CCDC180: variants seen among roughly 807,000 people sequenced by gnomAD.
The protein encoded by CCDC180 is coiled-coil domain containing 180.
A neutral mutation model predicts 209.2 loss-of-function variants in CCDC180; 154 were observed. The observed-to-expected ratio is 0.74, with a 90% CI of 0.65 to 0.84. The LOEUF (loss-of-function observed/expected upper bound fraction) is 0.84. Among genes scored for constraint, CCDC180 ranks in the 40% least tolerant of loss-of-function variants. The pLI, the probability that CCDC180 is intolerant of heterozygous loss-of-function variation, is 0.00. For synonymous variants in CCDC180, 778 were observed against 749.1 expected (o/e 1.04, Z -0.63); for missense variants, 1,874 against 1,997.3 (o/e 0.94, Z 1.18).
At chr9:97,362,588 G>T in intron 28 of CCDC180, 147 bp downstream of exon 28, 1 of 1,208,742 alleles carries the variant, frequency 8.3e-7, no homozygotes, top group Non-Finnish European at 1.1e-6. Flanking sequence ...AGTGAGGGGT[G>T]AGCGCCATCC....
chr9:97,326,040 T>C (rs1833521947), intron 14 of CCDC180, among the ~76,000 whole-genome samples: 1 of 152,214 alleles, frequency 6.6e-6, no homozygotes, highest in African/African-American at 2.4e-5. Flanking sequence ...CACTCCAAGT[T>C]CTTATTACAG....
intron 18 of CCDC180, among the ~76,000 whole-genome samples, chr9:97,331,733 A>G (rs1454139223): frequency 2.0e-5 from 3 of 152,064 alleles, no homozygotes; most frequent in Non-Finnish European, 4.4e-5. Context: ...TCCTTTGCCC[A>G]CTTTTGAATA....
chr9:97,338,122 G>A (rs539020965), intron 18 of CCDC180, among the ~76,000 whole-genome samples: 2 of 152,202 alleles, frequency 1.3e-5, no homozygotes, highest in African/African-American at 4.8e-5. Flanking sequence ...GCTCCTGGAT[G>A]CATTGATTTT....
At chr9:97,322,210 C>T (rs1458672791) in intron 11 of CCDC180, among the ~76,000 whole-genome samples, 1 of 152,142 alleles carries the variant, frequency 6.6e-6, no homozygotes, top group East Asian at 1.9e-4. Context: ...GTTCTAGCAT[C>T]TGTCAACCCT....
At chr9:97,340,743 G>A (rs1826052706) in intron 18 of CCDC180, among the ~76,000 whole-genome samples, 1 of 152,216 alleles carries the variant, frequency 6.6e-6, no homozygotes, top group Non-Finnish European at 1.5e-5. Context: ...CCATGGTCTA[G>A]TGGTAGCGAA....
intron 12 of CCDC180, among the ~76,000 whole-genome samples, chr9:97,323,466 C>G (rs371239613): frequency 6.6e-6 from 1 of 152,184 alleles, no homozygotes; most frequent in African/African-American, 2.4e-5. Context: ...GTTAGGGGAA[C>G]TATTGAGTCA....
intron 3 of CCDC180, among the ~76,000 whole-genome samples, chr9:97,310,207 C>T (rs1294663885): frequency 6.6e-6 from 1 of 152,228 alleles, no homozygotes; most frequent in African/African-American, 2.4e-5. Context: ...GGCAGGAAGG[C>T]CAGGGCACAG....
rs1833051895 is a variant in CCDC180, at chr9:97,313,285, G to A, written c.399G>A (p.Lys133=). ...CCTTTCAAAGGCAAGCAGAACACAA[G>A]AGGAAGAGCTACGAGAGCGCTCTGG... ...TSTFQRQAEH[K]RKSYESALAS... The change falls in exon 5 of 37, where the codon AAG becomes AAA. Residue 133 remains lysine, a synonymous_variant. Transcript: ENST00000529487. 6.2e-7 allele frequency: 1 copy of A among 1,612,448 alleles called. No individual in the cohort carries two copies. Among genetic ancestry groups the A allele is most frequent in the Non-Finnish European group, 8.5e-7 (1 of 1,179,066 alleles).
chr9:97,316,390 A>G (rs1168439031), intron 8 of CCDC180, among the ~76,000 whole-genome samples: 1 of 152,222 alleles, frequency 6.6e-6, no homozygotes, highest in African/African-American at 2.4e-5. Flanking sequence ...TGGAATTTCT[A>G]GTCTCTGAGC....
chr9:97,321,726 AGCCAT>A (rs1833364859), intron 11 of CCDC180, among the ~76,000 whole-genome samples: 1 of 152,204 alleles, frequency 6.6e-6, no homozygotes, highest in Admixed American at 6.5e-5. Context: ...ACAGGTCCCC[AGCCAT>A]GGGAGCCACA....
chr9:97,361,808 T>C lies in CCDC180; in HGVS notation c.3566T>C (p.Val1189Ala), dbSNP rs777856050. Residue 1189 changes from valine to alanine, a missense_variant, in exon 27 of 37, where the codon GTG becomes GCG. By Grantham distance (64) the Val-to-Ala change is moderately conservative (BLOSUM62 0). Coordinates refer to ENST00000529487, the MANE Select transcript of CCDC180 (RefSeq NM_020893.6). ...EALEEEAKLDVVTPESFTQLS... is the reference protein window; with the variant it reads ...EALEEEAKLDAVTPESFTQLS... ...CTTGAAGAGGAGGCCAAGCTGGACG[T>C]GGTCACCCCTGAGTCCTTCACCCAG... is the stretch of plus-strand genomic sequence containing the variant. The C allele has an allele frequency of 8.1e-6, 13 of 1,614,178 alleles. No homozygotes were observed. In the Admixed American group the frequency reaches 2.2e-4, roughly 27 times the overall value.
At chr9:97,322,944 T>C (rs1358101215) in intron 12 of CCDC180, 23 bp downstream of exon 12, 2 of 1,601,972 alleles carry the variant, frequency 1.2e-6, no homozygotes, top group Admixed American at 3.3e-5. Context: ...CCTGCAGGCC[T>C]GAGAAGAGGA....
At chr9:97,313,432 C>CTG in intron 5 of CCDC180, 87 bp downstream of exon 5, 1 of 893,724 alleles carries the variant, frequency 1.1e-6, no homozygotes, top group Non-Finnish European at 1.8e-6. Context: ...CTCCCCCTCT[C>CTG]CAGCAGAGAG....
rs955139881 is a variant in CCDC180, at chr9:97,314,586, G to C, written c.589-32G>C. On this transcript the variant is annotated intron_variant, in intron 6 of 36. Coordinates refer to ENST00000529487, the MANE Select transcript of CCDC180 (RefSeq NM_020893.6). ...CCTGCTTCTTCCCTGCCTCCCACCG[G>C]CTCCTAGCCTGACCCAAACTTCTCT... 4 of 1,613,556 alleles carry C rather than the reference G, an allele frequency of 2.5e-6. No homozygotes were observed. In the Admixed American group the frequency reaches 5.0e-5, roughly 20 times the overall value.
intron 10 of CCDC180, among the ~76,000 whole-genome samples, chr9:97,319,552 T>C (rs1833289280): frequency 6.6e-6 from 1 of 152,212 alleles, no homozygotes; most frequent in African/African-American, 2.4e-5. Context: ...ATTCAAAGTT[T>C]AGCTCCCACT....
rs1216166924 is a variant in CCDC180 at position 97,314,536 on chromosome 9, G to A, written c.588+15G>A. 24 of 1,613,866 alleles carry A rather than the reference G, an allele frequency of 1.5e-5. No homozygotes were observed. The highest frequency in any genetic ancestry group is 4.5e-5 in the East Asian group (2 of 44,890). On this transcript the variant is annotated intron_variant, in intron 6 of 36. Coordinates refer to ENST00000529487, the MANE Select transcript of CCDC180 (RefSeq NM_020893.6). ...ACACCATCCAAGTAGGGGTCCCTTC[G>A]TGGCTGGGCCTGCCCCACCCAGGTC...
At position 97,349,137 on chromosome 9, in the gene CCDC180, T is replaced by C. The variant is rs756098776; in HGVS notation, c.2701T>C (p.Leu901=). The C allele has an allele frequency of 8.5e-5, 131 of 1,535,934 alleles. No individual in the cohort carries two copies. Among genetic ancestry groups the C allele is most frequent in the Non-Finnish European group, 1.1e-4 (125 of 1,146,882 alleles). Residue 901 remains leucine, a synonymous_variant, in exon 21 of 37, where the codon TTG becomes CTG. Coordinates refer to ENST00000529487, the MANE Select transcript of CCDC180 (RefSeq NM_020893.6). ...CGAGCTTTTGCTTCATCAAGAGCAG[T>C]TGGACAGCCACTGTGCTGGGGTGAC... The part of the protein sequence containing the change: ...AAELLLHQEQ[L]DSHCAGVTET...
chr9:97,371,024 C>T (rs1048718542), intron 33 of CCDC180: 6 of 203,424 alleles, frequency 2.9e-5, no homozygotes, highest in Non-Finnish European at 3.4e-5. Context: ...ACTGCAGTGG[C>T]GCAATCTCGG....
At chr9:97,315,002 AC>A in intron 8 of CCDC180, 56 bp downstream of exon 8, 1 of 1,329,196 alleles carries the variant, frequency 7.5e-7, no homozygotes, top group Non-Finnish European at 1.1e-6. Flanking sequence ...AGGACCAGGA[AC>A]CCAGGGCACC....
Sources: allele counts gnomAD v4.1 joint callset (sites outside exome capture counted in the v4.1 genomes callset), GRCh38; gene constraint gnomAD v4.1.1; transcripts MANE v1.5; gene names NCBI Gene and HGNC (gene_info 2026-07-23, HGNC 2026-07-21).